The following SLC44A2 variants were observed in gnomAD, a reference collection of about 807,000 sequenced individuals.
SLC44A2 encodes the protein solute carrier family 44 member 2 (CTL2 blood group), also known as choline transporter-like protein 2.
In SLC44A2, 57 loss-of-function variants were observed where a neutral mutation model predicts 90.8. The ratio of observed to expected loss-of-function variants is 0.63; its 90% CI spans 0.51 to 0.78. The LOEUF (loss-of-function observed/expected upper bound fraction) is 0.78, where lower values mean the gene tolerates loss of function less well. SLC44A2 is among the 30% of genes least tolerant of loss of function. The pLI is 0.00. For missense variants in SLC44A2, 794 were observed against 919.7 expected (o/e 0.86, Z 1.77); for synonymous variants, 355 against 360.7 (o/e 0.98, Z 0.18).
chr19:10,635,744 G>A, intron 14 of SLC44A2: 1 of 455,634 alleles, frequency 2.2e-6, no homozygotes, highest in Non-Finnish European at 3.9e-6. Flanking sequence ...TTCACCCTGG[G>A]TGCTAAATCA....
chr19:10,638,192 A>C (rs977815378), intron 19 of SLC44A2, 35 bp from the exon 20 acceptor site: 1 of 1,611,724 alleles, frequency 6.2e-7, no homozygotes, highest in Non-Finnish European at 8.5e-7. Flanking sequence ...TATATCCAGA[A>C]CCCTTCGCCA....
At chr19:10,628,085 A>AG in intron 4 of SLC44A2, 81 bp downstream of exon 4, 1 of 1,292,434 alleles carries the variant, frequency 7.7e-7, no homozygotes, top group Non-Finnish European at 1.1e-6. Context: ...CTCTAAGTCC[A>AG]GTTAACAAGT....
chr19:10,636,794 G>C, intron 16 of SLC44A2, 38 bp downstream of exon 16: 3 of 1,588,460 alleles, frequency 1.9e-6, no homozygotes, highest in South Asian at 2.3e-5. Context: ...CTCCTGTTGC[G>C]GGGCGAGGCT....
At chr19:10,625,509 C>A (rs917854301), upstream of SLC44A2, 34 of 1,224,186 alleles carry the variant, frequency 2.8e-5, no homozygotes, top group Non-Finnish European at 3.4e-5. Flanking sequence ...TGGGCCGCCC[C>A]GCCTGGCGCT....
chr19:10,633,309 G>A (rs778002041), intron 10 of SLC44A2, among the ~76,000 whole-genome samples: 8 of 151,266 alleles, frequency 5.3e-5, no homozygotes, highest in Non-Finnish European at 4.4e-5. Flanking sequence ...GATTACAGGC[G>A]CACACCACCA....
chr19:10,637,365 A>C (rs2067069137), intron 16 of SLC44A2, among the ~76,000 whole-genome samples: 1 of 152,090 alleles, frequency 6.6e-6, no homozygotes, highest in Non-Finnish European at 1.5e-5. Flanking sequence ...AAAAGGAAAA[A>C]AAACTGGTTT....
At chr19:10,640,531 ATCCTCCTGCC>A in intron 20 of SLC44A2, among the ~76,000 whole-genome samples, 1 of 152,180 alleles carries the variant, frequency 6.6e-6, no homozygotes, top group Middle Eastern at 3.4e-3. Flanking sequence ...GACTCAAGGG[ATCCTCCTGCC>A]TCAGCCTGCC....
In SLC44A2 at chr19:10,642,536, A is replaced by C. The variant is rs754421173; in HGVS notation, c.2014+85A>C. The C allele has an allele frequency of 1.3e-5, 17 of 1,281,490 alleles. No individual in the cohort carries two copies. In the South Asian group the frequency reaches 1.9e-4, roughly 14 times the overall value. The allele number at this position is 1,281,490 out of a possible 1,614,324, so 79.4% of individuals were successfully genotyped here. ...TCACATCACCCTCCAACGGGGCAAC[A>C]CGCTTGCCTGCCCCCAGCTTCCCCA... On this transcript the variant is annotated intron_variant, in intron 21 of 21. Transcript: ENST00000335757.
intron 1 of SLC44A2, among the ~76,000 whole-genome samples, chr19:10,617,005 T>C (rs557922094): frequency 1.5e-3 from 222 of 152,256 alleles, no homozygotes; most frequent in Non-Finnish European, 2.2e-3. Flanking sequence ...CACTGCAAGC[T>C]CCGCCTCCCG....
At chr19:10,634,051 A>T (rs1467204825) in intron 10 of SLC44A2, among the ~76,000 whole-genome samples, 1 of 140,724 alleles carries the variant, frequency 7.1e-6, no homozygotes, top group Non-Finnish European at 1.5e-5. Context: ...GCTCACTGCA[A>T]CCTCCGCCTC....
At chr19:10,633,875 C>A (rs928190375) in intron 10 of SLC44A2, among the ~76,000 whole-genome samples, 1 of 151,806 alleles carries the variant, frequency 6.6e-6, no homozygotes, top group Admixed American at 6.6e-5. Flanking sequence ...CGGTGGCGCA[C>A]GCCTGTAATC....
Position 10,636,712 on chromosome 19 carries a change from A to C in SLC44A2, c.1547A>C (p.Gln516Pro), listed in dbSNP as rs1328709638. 6.2e-7 allele frequency: 1 copy of C among 1,613,970 alleles called. No individual in the cohort carries two copies. The highest frequency in any genetic ancestry group is 8.5e-7 in the Non-Finnish European group (1 of 1,179,974). Residue 516 changes from glutamine (Q) to proline (P), a missense_variant, in exon 16 of 22, where the codon CAG (glutamine) becomes CCG (proline). Gln to Pro is a moderately conservative substitution (Grantham distance 76). Around this residue, in one of 3 missense-constraint regions of SLC44A2, gnomAD observed 738 missense variants for 841.1 expected, o/e 0.88. Coordinates refer to ENST00000335757, the MANE Select transcript of SLC44A2 (RefSeq NM_020428.4). The part of the protein sequence containing the change: ...AFGALILAIV[Q>P]IIRVILEYLD... ...GGCGCGCTCATCCTGGCCATTGTGC[A>C]GATCATCCGTGTGATACTCGAGTAC...
intron 1 of SLC44A2, among the ~76,000 whole-genome samples, chr19:10,611,704 C>T (rs1918308374): frequency 6.6e-6 from 1 of 151,864 alleles, no homozygotes; most frequent in African/African-American, 2.4e-5. Context: ...TGCCTGTGGT[C>T]CGAGCCACTC....
intron 2 of SLC44A2, among the ~76,000 whole-genome samples, chr19:10,627,118 C>G (rs1360874765): frequency 2.6e-5 from 4 of 152,044 alleles, no homozygotes; most frequent in Non-Finnish European, 5.9e-5. Context: ...GTTAGGAGTT[C>G]GAGACCAGCC....
rs374925984 is a variant in SLC44A2, at chr19:10,631,309, C to T, written c.365C>T (p.Thr122Met). The T allele has an allele frequency of 3.7e-5, 59 of 1,614,140 alleles. 1 individual carries two copies. The highest frequency in any genetic ancestry group is 4.4e-5 in the South Asian group (4 of 91,074). ...GAAAAATGCCCCGACCGCTACCTCA[C>T]GTACCTGAATGCTCGCAGCTCCCGG... The part of the protein sequence containing the change: ...CVEKCPDRYL[T>M]YLNARSSRDF... The change falls in exon 6 of 22, where the codon ACG becomes ATG. Residue 122 changes from threonine (T) to methionine (M), a missense_variant. Coordinates refer to ENST00000335757, the MANE Select transcript of SLC44A2 (RefSeq NM_020428.4).
chr19:10,614,833 T>C (rs1312098007), intron 1 of SLC44A2, among the ~76,000 whole-genome samples: 2 of 151,150 alleles, frequency 1.3e-5, no homozygotes, highest in African/African-American at 2.4e-5. Flanking sequence ...TAGCCGGACA[T>C]GGTGGTGCGT....
Position 10,635,266 on chromosome 19 carries a change from C to A in SLC44A2, c.1148+11C>A, listed in dbSNP as rs7255439. 4,203 of 1,613,884 alleles carry A rather than the reference C, an allele frequency of 2.6e-3. 78 individuals carry two copies. In the African/African-American group the frequency reaches 0.046, roughly 18 times the overall value. ...GGCCAGCACTGCTGTGTATCTGCCC[C>A]CAGACACTGATCTCTGACCCCAGGG... On this transcript the variant is annotated intron_variant, in intron 13 of 21. Coordinates refer to ENST00000335757, the MANE Select transcript of SLC44A2 (RefSeq NM_020428.4).
intron 11 of SLC44A2, 32 bp downstream of exon 11, chr19:10,634,919 A>G (rs775124198): frequency 1.9e-6 from 3 of 1,614,120 alleles, no homozygotes; most frequent in Non-Finnish European, 2.5e-6. Flanking sequence ...CTGCCCCCAC[A>G]TGAGGCCTTG....
intron 1 of SLC44A2, among the ~76,000 whole-genome samples, chr19:10,610,631 C>CTT (rs56002726): frequency 4.7e-3 from 227 of 48,000 alleles, no homozygotes; most frequent in Non-Finnish European, 5.7e-3. Flanking sequence ...CCGCGCCTGG[C>CTT]TTTTTTTTTT....
Sources: gnomAD v4.1 joint callset for allele counts (sites outside exome capture counted in the v4.1 genomes callset) on GRCh38, gnomAD v4.1.1 for gene constraint, gnomAD v4.1.1 regional missense constraint, MANE v1.5 for transcripts, NCBI Gene and HGNC (gene_info 2026-07-23, HGNC 2026-07-21) for gene names.